Variants in EPB41L5 observed in about 807,000 individuals in gnomAD.
EPB41L5 encodes the protein band 4.1-like protein 5.
In EPB41L5, 55 loss-of-function variants were observed where a neutral mutation model predicts 106.6. The ratio of observed to expected loss-of-function variants is 0.52; its 90% CI spans 0.42 to 0.65. The LOEUF is 0.65. Ranked by LOEUF, EPB41L5 falls within the 30% of genes least tolerant of loss-of-function variation. The probability of loss-of-function intolerance (pLI) is 0.00; values close to 1 mark genes in which losing one functional copy is unlikely to be tolerated. For synonymous variants in EPB41L5, 297 were observed against 306.7 expected (o/e 0.97, Z 0.33); for missense variants, 871 against 882.1 (o/e 0.99, Z 0.16).
At chr2:120,075,001 G>A (rs893070817) in intron 5 of EPB41L5, among the ~76,000 whole-genome samples, 12 of 152,194 alleles carry the variant, frequency 7.9e-5, no homozygotes, top group East Asian at 3.9e-4. Context: ...GCCAATTTGC[G>A]TATTTTAATA....
intron 2 of EPB41L5, among the ~76,000 whole-genome samples, chr2:120,041,412 C>G (rs1574509131): frequency 6.6e-6 from 1 of 152,106 alleles, no homozygotes; most frequent in Non-Finnish European, 1.5e-5. Flanking sequence ...TACAAAGTTT[C>G]TTTCCTATTT....
At chr2:120,112,293 G>C (rs1684759106) in intron 16 of EPB41L5, among the ~76,000 whole-genome samples, 1 of 152,176 alleles carries the variant, frequency 6.6e-6, no homozygotes, top group South Asian at 2.1e-4. Context: ...GGGTAAGTCA[G>C]AGTGTCCGTT....
intron 22 of EPB41L5, among the ~76,000 whole-genome samples, chr2:120,166,134 A>G (rs1558917330): frequency 6.6e-6 from 1 of 152,182 alleles, no homozygotes; most frequent in East Asian, 1.9e-4. Context: ...TGTGTATATC[A>G]GAATCCCTTG....
chr2:120,075,483 T>A lies in EPB41L5; in HGVS notation c.415T>A (p.Phe139Ile). 1 of 1,579,126 alleles carries A rather than the reference T, an allele frequency of 6.3e-7. No homozygotes were observed. Among genetic ancestry groups the A allele is most frequent in the South Asian group, 1.1e-5 (1 of 89,366 alleles). The change falls in exon 6 of 25, where the codon TTT (phenylalanine) becomes ATT (isoleucine). Residue 139 changes from phenylalanine to isoleucine, a missense_variant. Coordinates refer to ENST00000263713, the MANE Select transcript of EPB41L5 (RefSeq NM_020909.4). ...GCCTTTCATTTTTCTTAGGTATTTA[T>A]TTGTTCTTCAGTTAAAACAAGATAT... ...NLREELTRYLFVLQLKQDILS... is the reference protein window; with the variant it reads ...NLREELTRYLIVLQLKQDILS...
chr2:120,019,096 C>T lies in EPB41L5; in HGVS notation c.12C>T (p.Phe4=), dbSNP rs757802194. The part of the protein sequence containing the change: MLS[F]FRRTLGRRSM... ...TTATAGTGACAAAAATGCTGAGTTTCTTCCGTAGAACACTAGGGCGTCGGT... is the reference window on the plus strand; with the variant it reads ...TTATAGTGACAAAAATGCTGAGTTTTTTCCGTAGAACACTAGGGCGTCGGT... The change falls in exon 2 of 25, where the codon TTC becomes TTT. Residue 4 remains phenylalanine, a synonymous_variant. Coordinates refer to ENST00000263713, the MANE Select transcript of EPB41L5 (RefSeq NM_020909.4). 6.2e-7 allele frequency: 1 copy of T among 1,600,016 alleles called. No homozygotes were observed. Among genetic ancestry groups the T allele is most frequent in the East Asian group, 2.2e-5 (1 of 44,638 alleles).
chr2:120,059,920 T>TTA (rs1299424315), intron 3 of EPB41L5, among the ~76,000 whole-genome samples: 1 of 151,922 alleles, frequency 6.6e-6, no homozygotes, highest in East Asian at 1.9e-4. Context: ...AGCTCAACAA[T>TTA]TAGAAAGCAA....
In EPB41L5 at chr2:120,031,910, A is replaced by G. The variant is rs1221792107; in HGVS notation, c.181-10096A>G. On this transcript the variant is annotated intron_variant, in intron 2 of 24. Transcript: ENST00000263713. ...CAGCACCTTGGGAGGTTGGGGTAGG[A>G]GGATTGCTTGAGGCCAGGAGTTTGA... is the stretch of plus-strand genomic sequence containing the variant. Among the ~76,000 whole-genome samples the G allele has an allele frequency of 7.9e-5, 12 of 152,206 alleles. No individual in the cohort carries two copies. The East Asian group carries it at 2.1e-3, about 27-fold the overall frequency.
chr2:120,061,181 CA>C (rs1346110079), intron 3 of EPB41L5, among the ~76,000 whole-genome samples: 2 of 149,946 alleles, frequency 1.3e-5, no homozygotes, highest in Admixed American at 6.6e-5. Flanking sequence ...GCCAGGACTA[CA>C]GGCACACACC....
intron 2 of EPB41L5, among the ~76,000 whole-genome samples, chr2:120,024,009 A>G (rs187342838): frequency 4.6e-5 from 7 of 152,248 alleles, no homozygotes; most frequent in Admixed American, 2.6e-4. Context: ...AAAGCTTGTG[A>G]TTTTTGCACA....
chr2:120,037,244 T>C (rs1679094538), intron 2 of EPB41L5, among the ~76,000 whole-genome samples: 1 of 152,136 alleles, frequency 6.6e-6, no homozygotes, highest in Non-Finnish European at 1.5e-5. Context: ...AAAACACTGC[T>C]GAGAGGAATG....
chr2:120,142,645 G>A (rs575742677), intron 18 of EPB41L5, among the ~76,000 whole-genome samples: 13 of 152,130 alleles, frequency 8.5e-5, no homozygotes, highest in African/African-American at 1.9e-4. Context: ...GCAGAACCTC[G>A]TAGTCTCTTT....
chr2:120,163,805 G>C (rs1183445241), intron 21 of EPB41L5, among the ~76,000 whole-genome samples: 1 of 151,272 alleles, frequency 6.6e-6, no homozygotes, highest in Non-Finnish European at 1.5e-5. Flanking sequence ...AAAAAAAATT[G>C]GCTGGGCATG....
chr2:120,081,849 G>A (rs1682692418), intron 10 of EPB41L5, among the ~76,000 whole-genome samples: 1 of 152,066 alleles, frequency 6.6e-6, no homozygotes, highest in African/African-American at 2.4e-5. Context: ...GGATTCCTAG[G>A]TATTTTATTC....
intron 3 of EPB41L5, among the ~76,000 whole-genome samples, chr2:120,046,538 C>G (rs999782639): frequency 1.4e-5 from 2 of 140,416 alleles, no homozygotes; most frequent in Non-Finnish European, 3.1e-5. Context: ...TGTTTGAGTT[C>G]TTTGTAGATT....
Position 120,175,106 on chromosome 2 carries a change from AAG to A in EPB41L5, c.*204_*205del. The A allele has an allele frequency of 1.7e-6, 1 of 580,068 alleles. No individual in the cohort carries two copies. Among genetic ancestry groups the A allele is most frequent in the East Asian group, 2.8e-5 (1 of 35,874 alleles). The allele number at this position is 580,068 out of a possible 1,614,324, so 35.9% of individuals were successfully genotyped here. On this transcript the variant is annotated 3_prime_UTR_variant, in exon 25 of 25. Transcript: ENST00000263713. The stretch of plus-strand genomic sequence containing the variant: ...TGAATCACACTGCATAGCTGCCCAA[AAG>A]AGAGTGTTTGGTCTTGAACTTTCTA...
At chr2:120,090,916 G>T (rs1683365389) in intron 12 of EPB41L5, among the ~76,000 whole-genome samples, 1 of 152,122 alleles carries the variant, frequency 6.6e-6, no homozygotes, top group Non-Finnish European at 1.5e-5. Flanking sequence ...TTATTCTCAT[G>T]ACTCCTTGTT....
chr2:120,046,777 G>T (rs1679808486), intron 3 of EPB41L5, among the ~76,000 whole-genome samples: 1 of 152,072 alleles, frequency 6.6e-6, no homozygotes, highest in South Asian at 2.1e-4. Flanking sequence ...TTCTTCTAGG[G>T]TTTTTATGGT....
chr2:120,049,421 CTTCT>C (rs1173527861), intron 3 of EPB41L5, among the ~76,000 whole-genome samples: 3 of 152,014 alleles, frequency 2.0e-5, no homozygotes, highest in Non-Finnish European at 2.9e-5. Context: ...ATGTAATGGC[CTTCT>C]TTGTCTCTTT....
intron 3 of EPB41L5, among the ~76,000 whole-genome samples, chr2:120,071,228 C>T (rs898755911): frequency 1.3e-5 from 2 of 152,150 alleles, no homozygotes; most frequent in African/African-American, 4.8e-5. Context: ...CTCCCATTCA[C>T]AATTGCTACA....
Sources: allele counts gnomAD v4.1 joint callset (sites outside exome capture counted in the v4.1 genomes callset), GRCh38; gene constraint gnomAD v4.1.1; transcripts MANE v1.5; gene names NCBI Gene and HGNC (gene_info 2026-07-23, HGNC 2026-07-21).